CSMD1: variants seen among roughly 807,000 people sequenced by gnomAD.
The protein encoded by CSMD1 is CUB and Sushi multiple domains 1.
In CSMD1, 213 loss-of-function variants were observed where a neutral mutation model predicts 417.5. The observed-to-expected ratio is 0.51, with a 90% CI of 0.46 to 0.57. The LOEUF is 0.57. Among genes scored for constraint, CSMD1 ranks in the 20% least tolerant of loss-of-function variants. The probability of loss-of-function intolerance (pLI) is 0.00; values close to 1 mark genes in which losing one functional copy is unlikely to be tolerated. For synonymous variants in CSMD1, 2,862 were observed against 1,736.8 expected (o/e 1.65, Z -16.11); for missense variants, 6,923 against 4,529.7 (o/e 1.53, Z -15.17).
intron 49 of CSMD1, among the ~76,000 whole-genome samples, chr8:3,075,138 A>G (rs1813565331): frequency 6.6e-6 from 1 of 152,086 alleles, no homozygotes; most frequent in Non-Finnish European, 1.5e-5. Flanking sequence ...TTCTGCCATG[A>G]TTAGAAGTTT....
At chr8:4,245,120 C>G (rs919499516) in intron 3 of CSMD1, among the ~76,000 whole-genome samples, 1 of 152,204 alleles carries the variant, frequency 6.6e-6, no homozygotes, top group East Asian at 1.9e-4. Flanking sequence ...TCAATATTCA[C>G]TTCACACAGA....
In CSMD1 at chr8:4,500,908, T is replaced by C. The variant is rs543679175; in HGVS notation, c.303-80843A>G. On this transcript the variant is annotated intron_variant, in intron 2 of 69. Transcript: ENST00000635120. ...TCTCTGCACTAAACAAAGGTGTTTG[T>C]ATAACCAGTGATCTTTTACAACTTG... Among the ~76,000 whole-genome samples, 55 of 152,296 alleles carry C rather than the reference T, an allele frequency of 3.6e-4. No homozygotes were observed. In the East Asian group the frequency reaches 9.7e-3, roughly 27 times the overall value.
chr8:3,473,014 C>T (rs1442152318), intron 11 of CSMD1, among the ~76,000 whole-genome samples: 3 of 151,970 alleles, frequency 2.0e-5, no homozygotes, highest in Non-Finnish European at 2.9e-5. Context: ...CTAACTCTGT[C>T]TCCTGGTTCT....
At position 4,141,796 on chromosome 8, in the gene CSMD1, C is replaced by G. The variant is rs186603394; in HGVS notation, c.416-109697G>C. Among the ~76,000 whole-genome samples, 87 of 151,232 alleles carry G rather than the reference C, an allele frequency of 5.8e-4. 11 individuals carry two copies. The highest frequency in any genetic ancestry group is 2.1e-3 in the African/African-American group (85 of 40,564). ...ACAGAAGTGAAACATATTGTGAACT[C>G]TATTTTACAATGACTAACTGAACAT... On this transcript the variant is annotated intron_variant, in intron 3 of 69. Transcript: ENST00000635120.
At chr8:3,295,031 T>C (rs755814706) in intron 25 of CSMD1, among the ~76,000 whole-genome samples, 1 of 152,222 alleles carries the variant, frequency 6.6e-6, no homozygotes, top group Non-Finnish European at 1.5e-5. Context: ...AAACAATATA[T>C]TGTACTACTC....
intron 5 of CSMD1, among the ~76,000 whole-genome samples, chr8:3,985,414 G>C (rs1249340112): frequency 1.3e-5 from 2 of 151,894 alleles, no homozygotes; most frequent in Non-Finnish European, 2.9e-5. Context: ...CTCTTGTCTA[G>C]TCTTATGTGC....
chr8:3,115,409 C>G lies in CSMD1; in HGVS notation c.6430+2990G>C, dbSNP rs1816805450. The stretch of plus-strand genomic sequence containing the variant: ...TAGAGTTGGGGTTTTGCCATGTTGG[C>G]CAGGCTTGTCTCAAACTCCTGACCT... On this transcript the variant is annotated intron_variant, in intron 42 of 69. Transcript: ENST00000635120. 2.0e-5 allele frequency among the ~76,000 whole-genome samples: 3 copies of G among 152,140 alleles called. No individual in the cohort carries two copies. The South Asian group carries it at 6.2e-4, about 32-fold the overall frequency.
chr8:4,442,335 C>A (rs1382266571), intron 2 of CSMD1, among the ~76,000 whole-genome samples: 1 of 152,082 alleles, frequency 6.6e-6, no homozygotes, highest in African/African-American at 2.4e-5. Flanking sequence ...TAGAAGTTCT[C>A]CTTCCAAACT....
At chr8:3,296,909 C>G (rs190215899) in intron 25 of CSMD1, among the ~76,000 whole-genome samples, 1 of 152,040 alleles carries the variant, frequency 6.6e-6, no homozygotes. Flanking sequence ...TAGCTGTTCA[C>G]GTAAGTTGGA....
At chr8:3,638,835 C>G (rs536345920) in intron 7 of CSMD1, among the ~76,000 whole-genome samples, 2 of 152,168 alleles carry the variant, frequency 1.3e-5, no homozygotes. Flanking sequence ...CACCTTGTCT[C>G]CAGGAAGATA....
chr8:4,196,629 TG>T (rs1315846656), intron 3 of CSMD1, among the ~76,000 whole-genome samples: 7 of 152,190 alleles, frequency 4.6e-5, no homozygotes, highest in African/African-American at 1.7e-4. Context: ...CCAGCAATGC[TG>T]GGTCCAGTCC....
intron 2 of CSMD1, among the ~76,000 whole-genome samples, chr8:4,478,459 A>C (rs745310851): frequency 4.7e-4 from 72 of 152,278 alleles, no homozygotes; most frequent in African/African-American, 1.7e-3. Context: ...ATAAAAATTG[A>C]ATCAATAGTT....
intron 3 of CSMD1, among the ~76,000 whole-genome samples, chr8:4,409,941 GTAGCTGGGATTACAGGCACCCGCCAC>G (rs1349022248): frequency 2.6e-5 from 4 of 151,578 alleles, no homozygotes; most frequent in African/African-American, 9.7e-5. Flanking sequence ...AGCTTCCCAA[GTAGCTGGGATTACAGGCACCCGCCAC>G]TACGCCCAGC....
At chr8:3,847,939 G>A (rs753964872) in intron 5 of CSMD1, among the ~76,000 whole-genome samples, 1 of 151,782 alleles carries the variant, frequency 6.6e-6, no homozygotes, top group East Asian at 1.9e-4. Flanking sequence ...TATTTTCTTG[G>A]CTTCAAAACA....
chr8:4,514,329 C>G (rs1169384568), intron 2 of CSMD1, among the ~76,000 whole-genome samples: 1 of 152,144 alleles, frequency 6.6e-6, no homozygotes, highest in African/African-American at 2.4e-5. Context: ...TAGAGACCCT[C>G]TCTCCATATA....
intron 2 of CSMD1, among the ~76,000 whole-genome samples, chr8:4,543,392 A>G (rs11786833): frequency 0.29 from 43,744 of 151,924 alleles, 7,012 homozygotes; most frequent in East Asian, 0.39. Flanking sequence ...GGAATTATAC[A>G]GTTTGTAGCC....
intron 6 of CSMD1, among the ~76,000 whole-genome samples, chr8:3,750,804 C>G (rs1288186207): frequency 6.6e-6 from 1 of 152,190 alleles, no homozygotes; most frequent in Non-Finnish European, 1.5e-5. Flanking sequence ...AGCTGTTGCT[C>G]TGTCTCCAGC....
intron 12 of CSMD1, among the ~76,000 whole-genome samples, chr8:3,453,310 G>T (rs528623236): frequency 6.6e-6 from 1 of 151,456 alleles, no homozygotes; most frequent in Non-Finnish European, 1.5e-5. Flanking sequence ...TCTCTATTTC[G>T]TTCACTTCTG....
At chr8:4,119,458 G>A (rs935023322) in intron 3 of CSMD1, among the ~76,000 whole-genome samples, 1 of 152,164 alleles carries the variant, frequency 6.6e-6, no homozygotes, top group African/African-American at 2.4e-5. Context: ...GAATATCTGT[G>A]TCAGCCCGAA....
Sources: allele counts gnomAD v4.1 joint callset (sites outside exome capture counted in the v4.1 genomes callset), GRCh38; gene constraint gnomAD v4.1.1; transcripts MANE v1.5; gene names NCBI Gene and HGNC (gene_info 2026-07-23, HGNC 2026-07-21).